Variants in VIT observed in about 807,000 individuals in gnomAD.
The protein encoded by VIT is vitrin.
Under a neutral mutation model 78.0 loss-of-function variants are expected in VIT, and 99 were observed. The observed-to-expected ratio is 1.27, with a 90% CI of 1.08 to 1.50. The LOEUF is 1.50. VIT is among the 40% of genes most tolerant of loss of function. The pLI is 0.00. For missense variants in VIT, 1,126 were observed against 875.3 expected, an observed-to-expected ratio of 1.29 and a Z score of -3.61; for synonymous variants, 374 against 334.3, an observed-to-expected ratio of 1.12 and a Z score of -1.29.
At chr2:36,726,687 C>T (rs1049225425) in intron 2 of VIT, among the ~76,000 whole-genome samples, 1 of 151,804 alleles carries the variant, frequency 6.6e-6, no homozygotes. Flanking sequence ...GGTGTGGTGA[C>T]GGGCGCCTGT....
At chr2:36,797,833 G>A (rs981749397) in intron 12 of VIT, among the ~76,000 whole-genome samples, 1 of 152,148 alleles carries the variant, frequency 6.6e-6, no homozygotes, top group Middle Eastern at 3.2e-3. Flanking sequence ...ACAAAGAAAT[G>A]TTAATGCTGT....
chr2:36,707,710 C>G (rs189737559), intron 1 of VIT, among the ~76,000 whole-genome samples: 7 of 152,234 alleles, frequency 4.6e-5, no homozygotes, highest in Non-Finnish European at 8.8e-5. Flanking sequence ...CGTAGGCCAC[C>G]AACAGTGTCC....
At chr2:36,702,138 G>C (rs181021219) in intron 1 of VIT, among the ~76,000 whole-genome samples, 2 of 152,260 alleles carry the variant, frequency 1.3e-5, no homozygotes, top group East Asian at 3.9e-4. Context: ...CAACCTATGT[G>C]GGTCCCTCAG....
intron 7 of VIT, among the ~76,000 whole-genome samples, chr2:36,768,202 C>A (rs763386342): frequency 1.7e-4 from 26 of 152,106 alleles, no homozygotes; most frequent in Non-Finnish European, 3.1e-4. Context: ...GAGGCCGAGG[C>A]AAGCAGATCA....
chr2:36,743,322 A>G, intron 4 of VIT, 66 bp downstream of exon 4: 1 of 1,439,286 alleles, frequency 6.9e-7, no homozygotes, highest in Non-Finnish European at 9.3e-7. Context: ...GCCCCCATGC[A>G]AGGTTGCCAT....
At chr2:36,802,430 G>A (rs11891319) in intron 13 of VIT, among the ~76,000 whole-genome samples, 2,395 of 152,246 alleles carry the variant, frequency 0.016, 62 homozygotes, top group African/African-American at 0.055. Context: ...TGTCTTTGAG[G>A]GAGCATCCTC....
chr2:36,712,942 G>A (rs769634131), intron 1 of VIT, among the ~76,000 whole-genome samples: 1 of 152,202 alleles, frequency 6.6e-6, no homozygotes, highest in Non-Finnish European at 1.5e-5. Context: ...AAAAGGGAGA[G>A]CGCTCATTAC....
chr2:36,760,355 C>G (rs564793556), intron 6 of VIT, among the ~76,000 whole-genome samples: 4 of 151,992 alleles, frequency 2.6e-5, no homozygotes, highest in Admixed American at 6.6e-5. Flanking sequence ...ATTTGAGGAG[C>G]CTTAGCATAC....
intron 6 of VIT, among the ~76,000 whole-genome samples, chr2:36,760,756 C>A (rs892754795): frequency 3.3e-5 from 5 of 152,166 alleles, no homozygotes; most frequent in African/African-American, 1.2e-4. Context: ...GAAATCTGTG[C>A]CCCTCACTCC....
At chr2:36,767,376 G>A in intron 7 of VIT, 91 bp downstream of exon 7, 2 of 1,296,614 alleles carry the variant, frequency 1.5e-6, no homozygotes, top group Non-Finnish European at 2.0e-6. Context: ...CTACTGGGCT[G>A]GGTGAATGGG....
chr2:36,743,871 C>A (rs1667981373), intron 4 of VIT, among the ~76,000 whole-genome samples: 1 of 151,988 alleles, frequency 6.6e-6, no homozygotes, highest in African/African-American at 2.4e-5. Flanking sequence ...AGGCATATTA[C>A]ATGATGCTGG....
intron 7 of VIT, among the ~76,000 whole-genome samples, chr2:36,769,815 G>A (rs1031042732): frequency 9.2e-5 from 14 of 151,964 alleles, no homozygotes; most frequent in South Asian, 8.3e-4. Context: ...AAGAAATCCC[G>A]TGCCCATAAA....
chr2:36,724,386 C>A (rs1666709440), intron 2 of VIT, among the ~76,000 whole-genome samples: 1 of 152,170 alleles, frequency 6.6e-6, no homozygotes, highest in Non-Finnish European at 1.5e-5. Context: ...GGCTCTCAGA[C>A]CTGTCTGCGG....
At chr2:36,769,438 T>TC (rs1343610149) in intron 7 of VIT, among the ~76,000 whole-genome samples, 1 of 152,112 alleles carries the variant, frequency 6.6e-6, no homozygotes, top group African/African-American at 2.4e-5. Flanking sequence ...TCCTGGCCCA[T>TC]CAGTGTTCCT....
intron 9 of VIT, among the ~76,000 whole-genome samples, chr2:36,776,946 A>T (rs59077487): frequency 6.8e-6 from 1 of 147,106 alleles, no homozygotes; most frequent in Non-Finnish European, 1.5e-5. Context: ...AAAATTAGCC[A>T]GGCGTGGTGG....
At chr2:36,795,654 A>T (rs889811032) in intron 12 of VIT, among the ~76,000 whole-genome samples, 2 of 152,054 alleles carry the variant, frequency 1.3e-5, no homozygotes, top group Non-Finnish European at 2.9e-5. Flanking sequence ...ACCTCAGGTG[A>T]TCCGCCTGCC....
chr2:36,734,360 G>A (rs2148496148), intron 3 of VIT, among the ~76,000 whole-genome samples: 1 of 152,184 alleles, frequency 6.6e-6, no homozygotes, highest in Non-Finnish European at 1.5e-5. Flanking sequence ...AAATAACAAG[G>A]AGAAGGTAGT....
In VIT at chr2:36,808,663, C is replaced by T. The variant is rs1666921046; in HGVS notation, c.1581C>T (p.Arg527=). The T allele has an allele frequency of 1.2e-6, 2 of 1,614,114 alleles. No individual in the cohort carries two copies. Among genetic ancestry groups the T allele is most frequent in the African/African-American group, 2.7e-5 (2 of 74,944 alleles). Residue 527 remains arginine, a synonymous_variant, in exon 15 of 16, where the codon CGC becomes CGT. Transcript: ENST00000379242. The part of the protein sequence containing the change: ...GSSSVGTGNF[R]TVLQFVTNLT... ...GCAGTGTGGGGACGGGCAACTTCCG[C>T]ACCGTCCTCCAGTTTGTGACCAACC...
intron 12 of VIT, among the ~76,000 whole-genome samples, chr2:36,791,264 C>G (rs1665482856): frequency 6.6e-6 from 1 of 152,198 alleles, no homozygotes; most frequent in Non-Finnish European, 1.5e-5. Flanking sequence ...CCCACCCAAC[C>G]TCAGCCCGTG....
Sources: allele counts gnomAD v4.1 joint callset (sites outside exome capture counted in the v4.1 genomes callset), GRCh38; gene constraint gnomAD v4.1.1; transcripts MANE v1.5; gene names NCBI Gene and HGNC (gene_info 2026-07-23, HGNC 2026-07-21).